LDLRAD4: variants seen among roughly 807,000 people sequenced by gnomAD.
LDLRAD4 encodes the protein low density lipoprotein receptor class A domain containing 4.
A neutral mutation model predicts 17.0 loss-of-function variants in LDLRAD4; 5 were observed. The observed-to-expected ratio is 0.29, with a 90% CI of 0.15 to 0.62. The LOEUF is 0.62. Among genes scored for constraint, LDLRAD4 ranks in the 20% least tolerant of loss-of-function variants. The pLI is 0.84. For missense variants in LDLRAD4, 340 were observed against 424.7 expected (o/e 0.80, Z 1.75); for synonymous variants, 168 against 171.8 (o/e 0.98, Z 0.17).
intron 3 of LDLRAD4, among the ~76,000 whole-genome samples, chr18:13,619,587 ACT>A (rs1376126524): frequency 1.3e-5 from 2 of 151,304 alleles, no homozygotes; most frequent in Non-Finnish European, 2.9e-5. Context: ...GGAAGTAGAC[ACT>A]CAAACCCCAA....
chr18:13,299,667 G>A (rs1461077058), intron 1 of LDLRAD4, among the ~76,000 whole-genome samples: 3 of 152,074 alleles, frequency 2.0e-5, no homozygotes, highest in Non-Finnish European at 2.9e-5. Context: ...AACACAGCAA[G>A]ACCCCATCTA....
chr18:13,219,700 G>C (rs2041346803), intron 1 of LDLRAD4, among the ~76,000 whole-genome samples: 1 of 152,182 alleles, frequency 6.6e-6, no homozygotes, highest in African/African-American at 2.4e-5. Flanking sequence ...CTTCTCGAAG[G>C]GCTAGTGCTG....
At chr18:13,459,422 C>T (rs1006308420) in intron 3 of LDLRAD4, among the ~76,000 whole-genome samples, 6 of 150,572 alleles carry the variant, frequency 4.0e-5, no homozygotes, top group Non-Finnish European at 7.4e-5. Flanking sequence ...CTTACTCTGT[C>T]GCCCAGGCTG....
chr18:13,401,015 A>G (rs1328868053), intron 2 of LDLRAD4, among the ~76,000 whole-genome samples: 2 of 152,170 alleles, frequency 1.3e-5, no homozygotes, highest in African/African-American at 4.8e-5. Flanking sequence ...TAGAAAATCA[A>G]GTATGGGAAG....
upstream of LDLRAD4, among the ~76,000 whole-genome samples, chr18:13,274,009 G>C (rs1280300357): frequency 1.3e-5 from 2 of 152,108 alleles, no homozygotes; most frequent in African/African-American, 4.8e-5. Flanking sequence ...TGGATGCCCC[G>C]ATGCCTGGTG....
In LDLRAD4 at chr18:13,645,820, G is replaced by A. The variant is rs555992039; in HGVS notation, c.*163G>A. 1.1e-4 allele frequency: 55 copies of A among 489,148 alleles called. No homozygotes were observed. The South Asian group carries it at 3.3e-3, about 30-fold the overall frequency. 30.3% of individuals were successfully genotyped at this position (489,148 alleles called of 1,614,324 possible). A position where few individuals can be genotyped will look rare whatever the true frequency, so the allele number is the denominator to read the frequency against. ...CTGATTCCTTTTAGGGGAATTGCAT[G>A]CAAACTAGACTGAAATGATACAAAC... On this transcript the variant is annotated 3_prime_UTR_variant, in exon 6 of 6. Coordinates refer to ENST00000359446, the Ensembl canonical transcript of LDLRAD4. This position sits in a 1 kb window ranked among gnomAD's most constrained non-coding sequence, Gnocchi z 5.7.
intron 3 of LDLRAD4, among the ~76,000 whole-genome samples, chr18:13,503,402 G>T (rs60278256): frequency 6.6e-6 from 1 of 152,162 alleles, no homozygotes. Context: ...TGAACAAACG[G>T]CCATGTGTAT....
Position 13,289,484 on chromosome 18 carries a change from A to G in LDLRAD4, c.-383+11296A>G, listed in dbSNP as rs139418370. On this transcript the variant is annotated intron_variant, in intron 1 of 5. Coordinates refer to ENST00000359446, the Ensembl canonical transcript of LDLRAD4. ...GGCCAGTTACTTGACTAATCACTTA[A>G]CACGAAATCTTCAGGAGTGTCATCT... Among the ~76,000 whole-genome samples, 5 of 152,368 alleles carry G rather than the reference A, an allele frequency of 3.3e-5. No individual in the cohort carries two copies. In the East Asian group the frequency reaches 9.6e-4, roughly 29 times the overall value.
At chr18:13,333,037 A>G (rs933619172) in intron 1 of LDLRAD4, among the ~76,000 whole-genome samples, 16 of 152,180 alleles carry the variant, frequency 1.1e-4, no homozygotes, top group African/African-American at 1.9e-4. Flanking sequence ...CCCACCATCA[A>G]TAAATGAGAG....
intron 3 of LDLRAD4, among the ~76,000 whole-genome samples, chr18:13,573,264 C>T (rs1307494493): frequency 3.3e-5 from 5 of 151,806 alleles, no homozygotes; most frequent in Non-Finnish European, 1.5e-5. Context: ...ACCACCACGC[C>T]CCACTAATTT....
intron 3 of LDLRAD4, among the ~76,000 whole-genome samples, chr18:13,565,367 C>T (rs1334790442): frequency 2.0e-5 from 3 of 149,566 alleles, no homozygotes; most frequent in Non-Finnish European, 4.5e-5. Context: ...AGCGAACAGC[C>T]GTTGCCAGCG....
chr18:13,594,836 G>GT (rs991419462), intron 3 of LDLRAD4, among the ~76,000 whole-genome samples: 2 of 152,008 alleles, frequency 1.3e-5, no homozygotes, highest in African/African-American at 2.4e-5. Flanking sequence ...TAAATATCTG[G>GT]TAAAATTTAC....
chr18:13,314,586 G>A (rs749680423), intron 1 of LDLRAD4, among the ~76,000 whole-genome samples: 1 of 152,220 alleles, frequency 6.6e-6, no homozygotes, highest in Non-Finnish European at 1.5e-5. Flanking sequence ...GCTGAACGCA[G>A]TGTTCTGTGA....
chr18:13,382,584 C>T (rs1157680325), intron 1 of LDLRAD4: 1 of 152,148 alleles, frequency 6.6e-6, no homozygotes, highest in Non-Finnish European at 1.5e-5. Context: ...TGCCCATCTT[C>T]CCAGTATAAA....
intron 4 of LDLRAD4, among the ~76,000 whole-genome samples, chr18:13,639,654 T>TC (rs1257018805): frequency 6.6e-6 from 1 of 152,156 alleles, no homozygotes; most frequent in African/African-American, 2.4e-5. Flanking sequence ...AATGCCAGCC[T>TC]TCTCGGGTTT....
chr18:13,625,543 C>A (rs1021590646), intron 4 of LDLRAD4, among the ~76,000 whole-genome samples: 7 of 152,164 alleles, frequency 4.6e-5, no homozygotes, highest in Non-Finnish European at 1.0e-4. Flanking sequence ...CTGCTTCTTG[C>A]GGAGAGTCCC....
intron 3 of LDLRAD4, among the ~76,000 whole-genome samples, chr18:13,540,823 G>A (rs2094271042): frequency 6.6e-6 from 1 of 152,222 alleles, no homozygotes; most frequent in Non-Finnish European, 1.5e-5. Flanking sequence ...TAAGATGGAA[G>A]GTTCTGGGTG....
intron 2 of LDLRAD4, among the ~76,000 whole-genome samples, chr18:13,404,277 C>T (rs1456197105): frequency 6.6e-6 from 1 of 152,222 alleles, no homozygotes. Flanking sequence ...TCTGCATCCC[C>T]GCTGTTTCCC....
Position 13,600,001 on chromosome 18 carries a change from A to G in LDLRAD4, c.182-21116A>G, listed in dbSNP as rs537372687. Among the ~76,000 whole-genome samples, 6 of 152,334 alleles carry G rather than the reference A, an allele frequency of 3.9e-5. No individual in the cohort carries two copies. In the East Asian group the frequency reaches 9.6e-4, roughly 24 times the overall value. ...TATTATATATCTTTTAAAAATAGAGACAGGGTCTCACTATATTGACCAGTC... is the reference window on the plus strand; with the variant it reads ...TATTATATATCTTTTAAAAATAGAGGCAGGGTCTCACTATATTGACCAGTC... On this transcript the variant is annotated intron_variant, in intron 3 of 5. Coordinates refer to ENST00000359446, the Ensembl canonical transcript of LDLRAD4.
Sources: gnomAD v4.1 joint callset for allele counts (sites outside exome capture counted in the v4.1 genomes callset) on GRCh38, gnomAD v4.1.1 for gene constraint, Gnocchi (gnomAD v3.1) non-coding constraint, MANE v1.5 for transcripts, NCBI Gene and HGNC (gene_info 2026-07-23, HGNC 2026-07-21) for gene names.